The following SOX6 variants were observed in gnomAD, a reference collection of about 807,000 sequenced individuals.
The protein encoded by SOX6 is SRY-box transcription factor 6.
Under a neutral mutation model 97.8 loss-of-function variants are expected in SOX6, and 11 were observed. That is an observed-to-expected ratio of 0.11 (90% confidence interval 0.07 to 0.19). SOX6 has a LOEUF of 0.19. SOX6 is among the 10% of genes least tolerant of loss of function. The pLI, the probability that SOX6 is intolerant of heterozygous loss-of-function variation, is 1.00. For missense variants in SOX6, 810 were observed against 1,039.5 expected (o/e 0.78, Z 3.04); for synonymous variants, 360 against 371.4 (o/e 0.97, Z 0.35).
chr11:16,372,500 A>G (rs1857516260), intron 1 of SOX6, among the ~76,000 whole-genome samples: 1 of 152,136 alleles, frequency 6.6e-6, no homozygotes, highest in Non-Finnish European at 1.5e-5. Context: ...AGAGTAAAGC[A>G]CTAACAGAGA....
At chr11:16,658,267 A>AT (rs1292167366) in intron 3 of SOX6, among the ~76,000 whole-genome samples, 1 of 152,138 alleles carries the variant, frequency 6.6e-6, no homozygotes, top group East Asian at 1.9e-4. Flanking sequence ...ATCTCTTCTT[A>AT]TGGTTATATG....
intron 4 of SOX6, among the ~76,000 whole-genome samples, chr11:16,555,425 TATA>T (rs1847739554): frequency 1.3e-5 from 2 of 151,562 alleles, no homozygotes; most frequent in Non-Finnish European, 3.0e-5. Context: ...TATTATTACA[TATA>T]ATGTCTTTAA....
At chr11:16,101,268 A>G (rs1035297536) in intron 7 of SOX6, among the ~76,000 whole-genome samples, 1 of 151,674 alleles carries the variant, frequency 6.6e-6, no homozygotes, top group Non-Finnish European at 1.5e-5. Context: ...ATTTGTCTTT[A>G]TGCGAAACCA....
At chr11:16,458,020 T>C (rs1240188185) in intron 1 of SOX6, among the ~76,000 whole-genome samples, 1 of 152,060 alleles carries the variant, frequency 6.6e-6, no homozygotes, top group Non-Finnish European at 1.5e-5. Flanking sequence ...ATATATATCA[T>C]ATAATGATGT....
chr11:16,524,018 G>T (rs1409231886), intron 4 of SOX6, among the ~76,000 whole-genome samples: 3 of 152,162 alleles, frequency 2.0e-5, no homozygotes, highest in African/African-American at 7.2e-5. Flanking sequence ...AGAGGGACCA[G>T]ATGGATTCAC....
chr11:15,980,164 T>C (rs1853615895), intron 15 of SOX6, among the ~76,000 whole-genome samples: 1 of 151,994 alleles, frequency 6.6e-6, no homozygotes. Flanking sequence ...TTCTCATAAA[T>C]AAAGGGGAGA....
chr11:16,701,196 T>C (rs764130696), intron 3 of SOX6, among the ~76,000 whole-genome samples: 1 of 152,260 alleles, frequency 6.6e-6, no homozygotes, highest in Non-Finnish European at 1.5e-5. Flanking sequence ...AATGCCTTTA[T>C]AGTGTAGACA....
intron 3 of SOX6, among the ~76,000 whole-genome samples, chr11:16,255,448 G>A (rs975362255): frequency 1.3e-5 from 2 of 152,086 alleles, no homozygotes; most frequent in African/African-American, 4.8e-5. Context: ...GTAACAGAAT[G>A]ATAGCTGGAA....
intron 3 of SOX6, among the ~76,000 whole-genome samples, chr11:16,654,570 A>G (rs1379217813): frequency 6.6e-6 from 1 of 152,168 alleles, no homozygotes; most frequent in Non-Finnish European, 1.5e-5. Flanking sequence ...GATTATAGAC[A>G]TGAGCCACTG....
At chr11:16,200,659 TTC>T (rs1027206454) in intron 4 of SOX6, among the ~76,000 whole-genome samples, 56 of 152,336 alleles carry the variant, frequency 3.7e-4, no homozygotes, top group African/African-American at 1.3e-3. Flanking sequence ...AACTGTTATG[TTC>T]TTTGACAAAG....
chr11:16,016,868 C>T (rs1477175789), intron 12 of SOX6, among the ~76,000 whole-genome samples: 1 of 152,010 alleles, frequency 6.6e-6, no homozygotes, highest in African/African-American at 2.4e-5. Flanking sequence ...GAAGAACAAC[C>T]TTTAACTGTA....
intron 1 of SOX6, among the ~76,000 whole-genome samples, chr11:16,454,762 C>T (rs1351323498): frequency 6.6e-6 from 1 of 152,090 alleles, no homozygotes; most frequent in Non-Finnish European, 1.5e-5. Context: ...AAGATCTATT[C>T]CATTATAGCA....
intron 13 of SOX6, among the ~76,000 whole-genome samples, chr11:15,996,460 C>G (rs995327174): frequency 6.6e-6 from 1 of 151,932 alleles, no homozygotes; most frequent in Non-Finnish European, 1.5e-5. Flanking sequence ...GAGACTCTGT[C>G]TCTACAAAAG....
chr11:16,606,230 C>CTTT (rs5789958), intron 4 of SOX6, among the ~76,000 whole-genome samples: 4 of 144,336 alleles, frequency 2.8e-5, no homozygotes, highest in African/African-American at 1.0e-4. Context: ...CCTCTTTTTT[C>CTTT]TTTTTTTTTT....
At chr11:16,230,906 T>G (rs1009875610) in intron 4 of SOX6, among the ~76,000 whole-genome samples, 1 of 151,346 alleles carries the variant, frequency 6.6e-6, no homozygotes, top group East Asian at 1.9e-4. Flanking sequence ...GTAATCAGAG[T>G]GTAATAAAAG....
rs546549413 is a variant in SOX6 at position 16,002,370 on chromosome 11, C to T, written c.1732+12572G>A. Among the ~76,000 whole-genome samples the T allele has an allele frequency of 3.3e-5, 5 of 152,296 alleles. No individual in the cohort carries two copies. The East Asian group carries it at 5.8e-4, about 18-fold the overall frequency. ...AGTCTGTATTTTCAAGAGTCTCTTG[C>T]TTTCAGTTTTGATGCCTGTGTTTAC... On this transcript the variant is annotated intron_variant, in intron 13 of 15. Coordinates refer to ENST00000683767, the MANE Select transcript of SOX6 (RefSeq NM_001367873.1).
intron 3 of SOX6, among the ~76,000 whole-genome samples, chr11:16,698,871 T>C (rs116339408): frequency 0.011 from 1,706 of 152,204 alleles, 24 homozygotes; most frequent in African/African-American, 0.039. Context: ...AAAATAATTA[T>C]AATAGTAACA....
At chr11:16,086,691 G>C (rs927761054) in intron 9 of SOX6, among the ~76,000 whole-genome samples, 1 of 152,068 alleles carries the variant, frequency 6.6e-6, no homozygotes, top group Non-Finnish European at 1.5e-5. Context: ...CAAAAAAACA[G>C]GGTTCTGGCA....
intron 15 of SOX6, among the ~76,000 whole-genome samples, chr11:15,974,836 T>C (rs146761448): frequency 4.4e-4 from 67 of 152,286 alleles, no homozygotes; most frequent in Admixed American, 2.5e-3. Context: ...ATAAAATATT[T>C]TCAGGTATAC....
Sources: gnomAD v4.1 joint callset for allele counts (sites outside exome capture counted in the v4.1 genomes callset) on GRCh38, gnomAD v4.1.1 for gene constraint, MANE v1.5 for transcripts, NCBI Gene and HGNC (gene_info 2026-07-23, HGNC 2026-07-21) for gene names.